The following RUFY3 variants were observed in gnomAD, a reference collection of about 807,000 sequenced individuals.
RUFY3 encodes the protein protein RUFY3.
In RUFY3, 34 loss-of-function variants were observed where a neutral mutation model predicts 84.0. The observed-to-expected ratio is 0.40, with a 90% CI of 0.31 to 0.54. RUFY3 has a LOEUF of 0.54. Among genes scored for constraint, RUFY3 ranks in the 20% least tolerant of loss-of-function variants. The pLI, the probability that RUFY3 is intolerant of heterozygous loss-of-function variation, is 0.39. For synonymous variants in RUFY3, 242 were observed against 252.9 expected (o/e 0.96, Z 0.41); for missense variants, 507 against 736.8 (o/e 0.69, Z 3.61).
chr4:70,768,628 T>C lies in RUFY3; in HGVS notation c.663T>C (p.Asn221=), dbSNP rs372261834. 1.9e-6 allele frequency: 3 copies of C among 1,613,892 alleles called. No individual in the cohort carries two copies. Among genetic ancestry groups the C allele is most frequent in the Non-Finnish European group, 2.5e-6 (3 of 1,179,998 alleles). The change falls in exon 5 of 18, where the codon AAT becomes AAC. Residue 221 remains asparagine (N), a synonymous_variant. Coordinates refer to ENST00000381006, the MANE Select transcript of RUFY3 (RefSeq NM_001037442.4). The part of the protein sequence containing the change: ...LLVGLNVIDA[N]FCMKGEDLDS... ...TGGGTCTGAATGTCATTGATGCCAATTTCTGTATGAAAGGAGAAGACTTGG... is the reference window on the plus strand; with the variant it reads ...TGGGTCTGAATGTCATTGATGCCAACTTCTGTATGAAAGGAGAAGACTTGG...
intron 1 of RUFY3, among the ~76,000 whole-genome samples, chr4:70,732,178 CA>C (rs1560461400): frequency 6.6e-6 from 1 of 152,232 alleles, no homozygotes; most frequent in Non-Finnish European, 1.5e-5. Context: ...TCACACCTTT[CA>C]TGTCCTGAAT....
intron 4 of RUFY3, among the ~76,000 whole-genome samples, chr4:70,765,855 C>T (rs200794681): frequency 6.6e-6 from 1 of 151,844 alleles, no homozygotes; most frequent in East Asian, 1.9e-4. Flanking sequence ...CTCCGCCTCC[C>T]GGGTTCAAGC....
intron 12 of RUFY3, chr4:70,793,246 C>A (rs1034354319): frequency 1.3e-5 from 13 of 986,796 alleles, no homozygotes; most frequent in Non-Finnish European, 1.6e-5. Flanking sequence ...ATAGAATAAC[C>A]CAAAGCCTAG....
intron 6 of RUFY3, 118 bp downstream of exon 6, chr4:70,773,690 A>G (rs920407163): frequency 9.3e-6 from 6 of 641,848 alleles, no homozygotes; most frequent in African/African-American, 7.4e-5. Context: ...ATTTCTGATC[A>G]TATAGCTTTA....
rs143925645 is a variant in RUFY3, at chr4:70,708,614, T to C, written c.358+3320T>C. On this transcript the variant is annotated intron_variant, in intron 1 of 11. Coordinates refer to the RUFY3 transcript ENST00000417478. ...TTTGCTAAAAGTATATAAAATATTA[T>C]AGCTTTGAAAGACTGTGTATTAAGG... Among the ~76,000 whole-genome samples the C allele has an allele frequency of 6.6e-5, 10 of 152,378 alleles. No homozygotes were observed. In the East Asian group the frequency reaches 1.9e-3, roughly 29 times the overall value.
At chr4:70,803,300 C>G in intron 16 of RUFY3, 1 of 267,636 alleles carries the variant, frequency 3.7e-6, no homozygotes, top group East Asian at 6.8e-5. Flanking sequence ...GTTTTGATCA[C>G]TTAGAAATAA....
chr4:70,782,518 C>T (rs1371152823), intron 8 of RUFY3, among the ~76,000 whole-genome samples: 1 of 151,908 alleles, frequency 6.6e-6, no homozygotes, highest in South Asian at 2.1e-4. Context: ...CTCCTGACCT[C>T]GTGATCCGCT....
At chr4:70,758,960 C>T (rs1724515462) in intron 1 of RUFY3, among the ~76,000 whole-genome samples, 1 of 152,062 alleles carries the variant, frequency 6.6e-6, no homozygotes, top group African/African-American at 2.4e-5. Context: ...ATGACATGAA[C>T]CCGGGAGGCG....
At chr4:70,806,437 C>A in intron 17 of RUFY3, 79 bp from the exon 18 acceptor site, 1 of 1,506,782 alleles carries the variant, frequency 6.6e-7, no homozygotes. Flanking sequence ...GAGCATTTGC[C>A]ATATTTGGCT....
At chr4:70,710,052 G>A (rs185676336) in intron 1 of RUFY3, among the ~76,000 whole-genome samples, 8 of 152,256 alleles carry the variant, frequency 5.3e-5, no homozygotes, top group Admixed American at 2.0e-4. Flanking sequence ...ATTAAGCCCC[G>A]GATAGTGCAG....
At chr4:70,789,854 C>A (rs1730527989) in intron 12 of RUFY3, 10 of 1,113,630 alleles carry the variant, frequency 9.0e-6, no homozygotes, top group Non-Finnish European at 1.1e-5. Context: ...AACATCAGAA[C>A]TCTTAATCCA....
intron 1 of RUFY3, among the ~76,000 whole-genome samples, chr4:70,748,213 A>C (rs972952532): frequency 6.6e-6 from 1 of 152,052 alleles, no homozygotes; most frequent in African/African-American, 2.4e-5. Flanking sequence ...ATTAATATCC[A>C]AGTCTAGTTT....
At chr4:70,770,519 A>G (rs1726773493) in intron 5 of RUFY3, among the ~76,000 whole-genome samples, 1 of 152,210 alleles carries the variant, frequency 6.6e-6, no homozygotes, top group Non-Finnish European at 1.5e-5. Context: ...AGTGGCTGCT[A>G]ACTTCAGGCT....
At chr4:70,718,652 TA>T (rs1741916509), upstream of RUFY3, among the ~76,000 whole-genome samples, 1 of 152,236 alleles carries the variant, frequency 6.6e-6, no homozygotes, top group South Asian at 2.1e-4. Flanking sequence ...GGCTTAACTT[TA>T]ACTTCATATT....
rs376688056 is a variant in RUFY3, at chr4:70,788,811, T to C, written c.1077T>C (p.Val359=). The change falls in exon 11 of 18, where the codon GTT becomes GTC. Residue 359 remains valine (V), a synonymous_variant. Coordinates refer to ENST00000381006, the MANE Select transcript of RUFY3 (RefSeq NM_001037442.4). The part of the protein sequence containing the change: ...LKEETQLRLD[V]EKELEMQISM... ...TTACTTACCTTTGGGGGCAGGATGT[T>C]GAGAAAGAACTGGAGATGCAGATCA... 3.2e-5 allele frequency: 52 copies of C among 1,613,746 alleles called. No individual in the cohort carries two copies. The Middle Eastern group carries it at 8.3e-4, about 26-fold the overall frequency.
At chr4:70,748,965 T>A (rs1039189567) in intron 1 of RUFY3, among the ~76,000 whole-genome samples, 1 of 152,122 alleles carries the variant, frequency 6.6e-6, no homozygotes, top group Non-Finnish European at 1.5e-5. Flanking sequence ...GAATGAGGAT[T>A]TCCCCCAACA....
chr4:70,741,736 A>T, intron 1 of RUFY3: 1 of 1,299,296 alleles, frequency 7.7e-7, no homozygotes, highest in Non-Finnish European at 1.0e-6. Context: ...AAAATTTTCT[A>T]ACCACCTTTT....
At chr4:70,756,462 T>C (rs1724036434) in intron 1 of RUFY3, among the ~76,000 whole-genome samples, 2 of 152,170 alleles carry the variant, frequency 1.3e-5, no homozygotes, top group Admixed American at 6.5e-5. Context: ...TGCCCTTGTC[T>C]CTTTCTCTTG....
At chr4:70,754,234 G>A (rs2148680563) in intron 1 of RUFY3, among the ~76,000 whole-genome samples, 1 of 152,158 alleles carries the variant, frequency 6.6e-6, no homozygotes, top group East Asian at 1.9e-4. Context: ...TGTACTTTTA[G>A]TAGAGATGGG....
Sources: gnomAD v4.1 joint callset for allele counts (sites outside exome capture counted in the v4.1 genomes callset) on GRCh38, gnomAD v4.1.1 for gene constraint, MANE v1.5 for transcripts, NCBI Gene and HGNC (gene_info 2026-07-23, HGNC 2026-07-21) for gene names.